ATAD1: variants seen among roughly 807,000 people sequenced by gnomAD.
ATAD1 encodes ATPase family AAA domain containing 1.
Under a neutral mutation model 42.7 loss-of-function variants are expected in ATAD1, and 18 were observed. The ratio of observed to expected loss-of-function variants is 0.42; its 90% CI spans 0.29 to 0.63. ATAD1 has a LOEUF of 0.63. ATAD1 is among the 20% of genes least tolerant of loss of function. The pLI is 0.19. For missense variants in ATAD1, 294 were observed against 440.4 expected, an observed-to-expected ratio of 0.67 and a Z score of 2.98; for synonymous variants, 132 against 143.1, an observed-to-expected ratio of 0.92 and a Z score of 0.55.
At chr10:87,834,231 G>A (rs1857889929) in intron 1 of ATAD1, among the ~76,000 whole-genome samples, 1 of 152,062 alleles carries the variant, frequency 6.6e-6, no homozygotes, top group Non-Finnish European at 1.5e-5. Flanking sequence ...AAGGTCCAAG[G>A]CAGATATTGT....
upstream of ATAD1, among the ~76,000 whole-genome samples, chr10:87,821,850 C>A (rs1857637465): frequency 6.6e-6 from 1 of 152,194 alleles, no homozygotes. Context: ...AAACAAACAT[C>A]TGAGCTGATT....
intron 1 of ATAD1, among the ~76,000 whole-genome samples, chr10:87,831,199 T>C (rs1857822314): frequency 6.6e-6 from 1 of 152,236 alleles, no homozygotes; most frequent in African/African-American, 2.4e-5. Context: ...TAGAAATGAC[T>C]GTGTTTGTTG....
chr10:87,798,433 G>C (rs1171296349), intron 2 of ATAD1, among the ~76,000 whole-genome samples: 1 of 152,200 alleles, frequency 6.6e-6, no homozygotes, highest in South Asian at 2.1e-4. Context: ...CCCTAAGGTC[G>C]ACCTACAAAC....
chr10:87,825,365 AG>A (rs1185607853), intron 1 of ATAD1, among the ~76,000 whole-genome samples: 1 of 140,784 alleles, frequency 7.1e-6, no homozygotes, highest in East Asian at 2.0e-4. Flanking sequence ...GCTGGAGTGC[AG>A]TGGCGCAATC....
At chr10:87,818,305 G>A, upstream of ATAD1, 1 of 967,808 alleles carries the variant, frequency 1.0e-6, no homozygotes, top group Non-Finnish European at 1.2e-6. Flanking sequence ...GGTCGCCGGC[G>A]CGGAGGGGGC....
chr10:87,834,140 A>G (rs916516616), intron 1 of ATAD1, among the ~76,000 whole-genome samples: 3 of 151,952 alleles, frequency 2.0e-5, no homozygotes, highest in Non-Finnish European at 4.4e-5. Context: ...TTCAAGATAA[A>G]CCTCATTTTG....
In ATAD1 at chr10:87,806,608, C is replaced by T. The variant is rs192424800; in HGVS notation, c.162+7830G>A. On this transcript the variant is annotated intron_variant, in intron 2 of 9. Coordinates refer to ENST00000680024, the MANE Select transcript of ATAD1 (RefSeq NM_001321967.2). ...TCACACTATATGTACTCTTCTGTGACATTTTCATCTCACTATTTCTTAGAG... is the reference window on the plus strand; with the variant it reads ...TCACACTATATGTACTCTTCTGTGATATTTTCATCTCACTATTTCTTAGAG... 3.9e-5 allele frequency among the ~76,000 whole-genome samples: 6 copies of T among 152,222 alleles called. No homozygotes were observed. The East Asian group carries it at 1.2e-3, about 29-fold the overall frequency.
chr10:87,751,636 A>G lies in ATAD1; in HGVS notation c.*3051T>C, dbSNP rs1029747684. On this transcript the variant is annotated 3_prime_UTR_variant, in exon 10 of 10. Coordinates refer to ENST00000680024, the MANE Select transcript of ATAD1 (RefSeq NM_001321967.2). Reference sequence around the variant, plus strand: ...AAAGAGAACTTTAGCTTTAAAAAAAAGATTAGAGAACTCTATCTTTGATAA... The same window carrying G: ...AAAGAGAACTTTAGCTTTAAAAAAAGGATTAGAGAACTCTATCTTTGATAA... 2.6e-5 allele frequency: 4 copies of G among 152,222 alleles called. No individual in the cohort carries two copies. The highest frequency in any genetic ancestry group is 9.6e-5 in the African/African-American group (4 of 41,464). The allele number at this position is 152,222 out of a possible 1,614,324, so 9.4% of individuals were successfully genotyped here. A position where few individuals can be genotyped will look rare whatever the true frequency, so the allele number is the denominator to read the frequency against.
At chr10:87,825,560 C>T (rs1311733614) in intron 1 of ATAD1, among the ~76,000 whole-genome samples, 4 of 152,142 alleles carry the variant, frequency 2.6e-5, no homozygotes, top group African/African-American at 7.2e-5. Context: ...CCGCCCACCT[C>T]GGCCTCCCAA....
chr10:87,754,496 C>A lies in ATAD1; in HGVS notation c.*191G>T. ...TTCAGGCTGGATTCAACTGTTCCTC[C>A]TCATGATTTTTGACCAACAGTAATA... On this transcript the variant is annotated 3_prime_UTR_variant, in exon 10 of 10. Coordinates refer to ENST00000680024, the MANE Select transcript of ATAD1 (RefSeq NM_001321967.2). The A allele has an allele frequency of 9.3e-6, 5 of 539,108 alleles. No homozygotes were observed. The highest frequency in any genetic ancestry group is 1.4e-5 in the Non-Finnish European group (5 of 347,192). The allele number at this position is 539,108 out of a possible 1,614,324, so 33.4% of individuals were successfully genotyped here.
intron 1 of ATAD1, among the ~76,000 whole-genome samples, chr10:87,815,504 G>A (rs980261843): frequency 7.3e-5 from 11 of 151,718 alleles, no homozygotes; most frequent in Non-Finnish European, 1.6e-4. Flanking sequence ...AATGCTATGG[G>A]ATATATAAGA....
At chr10:87,797,707 A>G (rs1014286219) in intron 2 of ATAD1, among the ~76,000 whole-genome samples, 4 of 152,044 alleles carry the variant, frequency 2.6e-5, no homozygotes, top group Admixed American at 6.6e-5. Context: ...TGAGAGCTAC[A>G]AGTTAGGGGT....
At chr10:87,840,279 T>A (rs1279791944) in intron 1 of ATAD1, among the ~76,000 whole-genome samples, 1 of 151,928 alleles carries the variant, frequency 6.6e-6, no homozygotes, top group African/African-American at 2.4e-5. Context: ...AAACCAAAGG[T>A]TTGAGATGAG....
At chr10:87,833,878 C>G (rs1326547902) in intron 1 of ATAD1, among the ~76,000 whole-genome samples, 2 of 152,028 alleles carry the variant, frequency 1.3e-5, no homozygotes, top group African/African-American at 4.8e-5. Flanking sequence ...TCATGTGCCA[C>G]CACACCCGGC....
Position 87,771,043 on chromosome 10 carries a change from T to C in ATAD1, c.691-2A>G. On this transcript the variant is annotated splice_acceptor_variant, in intron 6 of 9. Coordinates refer to ENST00000680024, the MANE Select transcript of ATAD1 (RefSeq NM_001321967.2). LOFTEE classifies it high-confidence loss of function. ...ATTGGTAGCTCCCATTACTATGACCTAAGTGTATAAAGAAGACAGAAGGTA... is the reference window on the plus strand; with the variant it reads ...ATTGGTAGCTCCCATTACTATGACCCAAGTGTATAAAGAAGACAGAAGGTA... The C allele has an allele frequency of 6.2e-7, 1 of 1,609,310 alleles. No homozygotes were observed. Among genetic ancestry groups the C allele is most frequent in the Non-Finnish European group, 8.5e-7 (1 of 1,176,152 alleles).
At chr10:87,790,585 A>G (rs1170648550) in intron 3 of ATAD1, among the ~76,000 whole-genome samples, 155 bp from the exon 4 acceptor site, 1 of 152,248 alleles carries the variant, frequency 6.6e-6, no homozygotes, top group Non-Finnish European at 1.5e-5. Flanking sequence ...CCAAGCAGTA[A>G]TGAAATAAAC....
rs541088773 is a variant in ATAD1, at chr10:87,780,408, A to T, written c.584-3981T>A. Among the ~76,000 whole-genome samples, 12 of 152,328 alleles carry T rather than the reference A, an allele frequency of 7.9e-5. No homozygotes were observed. The South Asian group carries it at 2.5e-3, about 32-fold the overall frequency. On this transcript the variant is annotated intron_variant, in intron 5 of 9. Transcript: ENST00000680024. Reference sequence around the variant, plus strand: ...AAAGCCCAAAGAACTGTGCAACACAAAGAATGAACCTTAAACTATGGACTT... The same window carrying T: ...AAAGCCCAAAGAACTGTGCAACACATAGAATGAACCTTAAACTATGGACTT...
At position 87,792,654 on chromosome 10, in the gene ATAD1, T is replaced by C. The variant is rs1427223944; in HGVS notation, c.261+3A>G. On this transcript the variant is annotated splice_donor_region_variant and intron_variant, in intron 3 of 9. Transcript: ENST00000680024. ...AATCTTAAATAAGATTAAAGATACATACATGCATATTAAGAGGGTCTACAA... is the reference window on the plus strand; with the variant it reads ...AATCTTAAATAAGATTAAAGATACACACATGCATATTAAGAGGGTCTACAA... 4 of 880,790 alleles carry C rather than the reference T, an allele frequency of 4.5e-6. No homozygotes were observed. Among genetic ancestry groups the C allele is most frequent in the Admixed American group, 3.8e-5 (2 of 52,092 alleles). The allele number at this position is 880,790 out of a possible 1,614,324, so 54.6% of individuals were successfully genotyped here.
chr10:87,831,603 A>G (rs1404027844), intron 1 of ATAD1, among the ~76,000 whole-genome samples: 1 of 152,198 alleles, frequency 6.6e-6, no homozygotes, highest in Non-Finnish European at 1.5e-5. Context: ...TGGGTCCTCC[A>G]TGCTGTACCA....
Sources: gnomAD v4.1 joint callset for allele counts (sites outside exome capture counted in the v4.1 genomes callset) on GRCh38, gnomAD v4.1.1 for gene constraint, MANE v1.5 for transcripts, NCBI Gene and HGNC (gene_info 2026-07-23, HGNC 2026-07-21) for gene names.